The following MSRA variants were observed in gnomAD, a reference collection of about 807,000 sequenced individuals.
MSRA encodes the protein mitochondrial peptide methionine sulfoxide reductase.
In MSRA, 54 loss-of-function variants were observed where a neutral mutation model predicts 31.3. The observed-to-expected ratio is 1.73, with a 90% CI of 1.39 to 2.17. The LOEUF (loss-of-function observed/expected upper bound fraction) is 2.17, where lower values mean the gene tolerates loss of function less well. Among genes scored for constraint, MSRA ranks in the 30% most tolerant of loss-of-function variants. MSRA has a pLI of 0.00. For missense variants in MSRA, 507 were observed against 300.9 expected (o/e 1.69, Z -5.07); for synonymous variants, 169 against 116.5 (o/e 1.45, Z -2.90).
At chr8:10,253,361 C>T (rs992197527) in intron 3 of MSRA, among the ~76,000 whole-genome samples, 7 of 152,150 alleles carry the variant, frequency 4.6e-5, no homozygotes, top group African/African-American at 1.4e-4. Flanking sequence ...CTGTTCAACT[C>T]ACGTCTCTCC....
rs571994748 is a variant in MSRA at position 10,357,146 on chromosome 8, G to T, written c.543+37157G>T. ...GGCAAACCTACACCATGTGGTTTTT[G>T]CTCCTTTTCACGTTAACAGCCAATG... is the stretch of plus-strand genomic sequence containing the variant. On this transcript the variant is annotated intron_variant, in intron 5 of 5. Coordinates refer to ENST00000317173, the MANE Select transcript of MSRA (RefSeq NM_012331.5). Among the ~76,000 whole-genome samples, 394 of 152,246 alleles carry T rather than the reference G, an allele frequency of 2.6e-3. 9 individuals carry two copies. The highest frequency in any genetic ancestry group is 0.025 in the Admixed American group (375 of 15,298).
intron 1 of MSRA, among the ~76,000 whole-genome samples, chr8:10,199,671 A>C (rs1221820971): frequency 1.3e-5 from 2 of 152,098 alleles, no homozygotes; most frequent in Non-Finnish European, 2.9e-5. Flanking sequence ...CACTGAGCAG[A>C]CTTCAGGAAA....
intron 2 of MSRA, among the ~76,000 whole-genome samples, chr8:10,210,692 G>C (rs1225557001): frequency 6.6e-6 from 1 of 151,980 alleles, no homozygotes; most frequent in Non-Finnish European, 1.5e-5. Context: ...CAGCCTTGGA[G>C]GTCTTCATAT....
chr8:10,166,162 A>G (rs1298498480), intron 1 of MSRA, among the ~76,000 whole-genome samples: 1 of 152,124 alleles, frequency 6.6e-6, no homozygotes, highest in Non-Finnish European at 1.5e-5. Context: ...ACTGGGTATG[A>G]GGTGGGTGGG....
intron 1 of MSRA, among the ~76,000 whole-genome samples, chr8:10,170,590 G>A (rs1805507359): frequency 6.6e-6 from 1 of 152,156 alleles, no homozygotes; most frequent in African/African-American, 2.4e-5. Context: ...AAAATACAGT[G>A]TATCAACCAT....
intron 2 of MSRA, among the ~76,000 whole-genome samples, chr8:10,234,167 G>T (rs2952247): frequency 0.09 from 13,739 of 152,156 alleles, 717 homozygotes; most frequent in East Asian, 0.19. Context: ...ATATATTTCA[G>T]TAAGATGAAG....
intron 1 of MSRA, among the ~76,000 whole-genome samples, chr8:10,148,646 T>TAA (rs887968632): frequency 7.5e-4 from 104 of 138,760 alleles, no homozygotes; most frequent in African/African-American, 2.5e-3. Flanking sequence ...GACTTCATCT[T>TAA]AAAAAAAAAA....
intron 1 of MSRA, among the ~76,000 whole-genome samples, chr8:10,101,897 T>C (rs1799552649): frequency 6.6e-6 from 1 of 152,222 alleles, no homozygotes; most frequent in African/African-American, 2.4e-5. Context: ...CTTTTGAGTA[T>C]ATCCCCAAAA....
chr8:10,229,210 G>T (rs891883401), intron 2 of MSRA, among the ~76,000 whole-genome samples: 3 of 149,886 alleles, frequency 2.0e-5, no homozygotes, highest in Middle Eastern at 3.2e-3. Flanking sequence ...CAGGTTTTGG[G>T]TGACAAAGAC....
intron 1 of MSRA, among the ~76,000 whole-genome samples, chr8:10,099,036 T>A (rs1799362966): frequency 6.6e-6 from 1 of 151,752 alleles, no homozygotes; most frequent in Admixed American, 6.6e-5. Context: ...TGCTAGGGGG[T>A]GTGGTGTATT....
intron 5 of MSRA, among the ~76,000 whole-genome samples, chr8:10,331,052 C>T (rs987351570): frequency 6.6e-6 from 1 of 152,198 alleles, no homozygotes; most frequent in Non-Finnish European, 1.5e-5. Context: ...GTGTTTCTTG[C>T]TGCACACAGA....
At chr8:10,167,329 A>G (rs1036503285) in intron 1 of MSRA, among the ~76,000 whole-genome samples, 1 of 152,220 alleles carries the variant, frequency 6.6e-6, no homozygotes, top group Non-Finnish European at 1.5e-5. Context: ...CATGGAAACC[A>G]ATCACATAAT....
intron 1 of MSRA, among the ~76,000 whole-genome samples, chr8:10,092,988 A>T (rs1444299503): frequency 6.6e-6 from 1 of 152,168 alleles, no homozygotes; most frequent in Non-Finnish European, 1.5e-5. Flanking sequence ...TTTGCTTGTT[A>T]GTATAACCAT....
At chr8:10,371,238 G>A (rs759481558) in intron 5 of MSRA, among the ~76,000 whole-genome samples, 3 of 152,194 alleles carry the variant, frequency 2.0e-5, no homozygotes, top group African/African-American at 7.2e-5. Context: ...CAGAAGGGAA[G>A]TAGTGAGCCA....
intron 1 of MSRA, among the ~76,000 whole-genome samples, chr8:10,102,128 A>T (rs1342932139): frequency 6.6e-6 from 1 of 152,042 alleles, no homozygotes; most frequent in Non-Finnish European, 1.5e-5. Context: ...CTTTGGGTGT[A>T]TCCTGTTTGG....
chr8:10,235,662 CA>C (rs1811875436), intron 2 of MSRA, among the ~76,000 whole-genome samples: 2 of 152,196 alleles, frequency 1.3e-5, no homozygotes, highest in South Asian at 4.2e-4. Context: ...GACAATGAAA[CA>C]AAGCATCCCC....
At chr8:10,089,802 A>G (rs1361967220) in intron 1 of MSRA, among the ~76,000 whole-genome samples, 8 of 152,224 alleles carry the variant, frequency 5.3e-5, no homozygotes, top group Non-Finnish European at 1.2e-4. Context: ...TCCTGGCTTT[A>G]TAACAACCCA....
intron 5 of MSRA, among the ~76,000 whole-genome samples, chr8:10,417,596 A>G (rs993760358): frequency 6.6e-6 from 1 of 152,128 alleles, no homozygotes; most frequent in Non-Finnish European, 1.5e-5. Context: ...AGCTCAGAAT[A>G]GATGATGTTT....
At chr8:10,343,983 C>G (rs911882277) in intron 5 of MSRA, among the ~76,000 whole-genome samples, 3 of 152,144 alleles carry the variant, frequency 2.0e-5, no homozygotes, top group Non-Finnish European at 2.9e-5. Context: ...ACTTGTGGCT[C>G]TTGTTTACCC....
Sources: allele counts gnomAD v4.1 joint callset (sites outside exome capture counted in the v4.1 genomes callset), GRCh38; gene constraint gnomAD v4.1.1; transcripts MANE v1.5; gene names NCBI Gene and HGNC (gene_info 2026-07-23, HGNC 2026-07-21).